The following PDZRN3 variants were observed in gnomAD, a reference collection of about 807,000 sequenced individuals.
PDZRN3 encodes the protein E3 ubiquitin-protein ligase PDZRN3.
Under a neutral mutation model 85.7 loss-of-function variants are expected in PDZRN3, and 38 were observed. That is an observed-to-expected ratio of 0.44 (90% CI 0.34 to 0.58). The LOEUF (loss-of-function observed/expected upper bound fraction) is 0.58, where lower values mean the gene tolerates loss of function less well. Among genes scored for constraint, PDZRN3 ranks in the 20% least tolerant of loss-of-function variants. The pLI is 0.01. For missense variants in PDZRN3, 1,629 were observed against 1,506.4 expected, an observed-to-expected ratio of 1.08 and a Z score of -1.35; for synonymous variants, 759 against 638.0, an observed-to-expected ratio of 1.19 and a Z score of -2.86.
chr3:73,538,944 A>C (rs998961163), intron 3 of PDZRN3, among the ~76,000 whole-genome samples: 2 of 152,168 alleles, frequency 1.3e-5, no homozygotes, highest in African/African-American at 4.8e-5. Flanking sequence ...ACAAGAGTAC[A>C]TTGATCAAAC....
chr3:73,506,910 C>A (rs200845307), intron 3 of PDZRN3, among the ~76,000 whole-genome samples: 42 of 136,782 alleles, frequency 3.1e-4, no homozygotes, highest in African/African-American at 8.6e-4. Context: ...AAAAAAAAAA[C>A]AAAAAAACAA....
intron 3 of PDZRN3, among the ~76,000 whole-genome samples, chr3:73,454,307 A>G (rs1702934967): frequency 6.6e-6 from 1 of 152,166 alleles, no homozygotes; most frequent in African/African-American, 2.4e-5. Flanking sequence ...AACTTGGAGT[A>G]GGGAGAGGAA....
At chr3:73,607,551 C>CT (rs1702620260) in intron 2 of PDZRN3, among the ~76,000 whole-genome samples, 1 of 152,186 alleles carries the variant, frequency 6.6e-6, no homozygotes, top group African/African-American at 2.4e-5. Flanking sequence ...AGGGCACACA[C>CT]TATTCCTATC....
Position 73,624,697 on chromosome 3 carries a change from C to A in PDZRN3, c.129G>T (p.Leu43=). The A allele has an allele frequency of 6.6e-7, 1 of 1,526,346 alleles. No homozygotes were observed. Among genetic ancestry groups the A allele is most frequent in the Non-Finnish European group, 8.7e-7 (1 of 1,143,046 alleles). The allele number at this position is 1,526,346 out of a possible 1,614,324, so 94.6% of individuals were successfully genotyped here. A position where few individuals can be genotyped will look rare whatever the true frequency, so the allele number is the denominator to read the frequency against. Residue 43 remains leucine (L), a synonymous_variant, in exon 1 of 10, where the codon CTG becomes CTT. Coordinates refer to ENST00000263666, the MANE Select transcript of PDZRN3 (RefSeq NM_015009.3). ...AGCTGCCCTCCTGCACCACCCAGGG[C>A]AGCACGCAGCCGGCGCAGAAGACGT... ...CGHVFCAGCV[L]PWVVQEGSCP...
chr3:73,473,433 C>G (rs1038101184), intron 3 of PDZRN3, among the ~76,000 whole-genome samples: 1 of 149,090 alleles, frequency 6.7e-6, no homozygotes, highest in Non-Finnish European at 1.5e-5. Flanking sequence ...ATTTGAAATT[C>G]AGAGGAATGG....
intron 3 of PDZRN3, among the ~76,000 whole-genome samples, chr3:73,551,652 G>T (rs1701557651): frequency 7.1e-6 from 1 of 141,408 alleles, no homozygotes; most frequent in Non-Finnish European, 1.5e-5. Flanking sequence ...TTGCACCACT[G>T]CACTCCAGCC....
Position 73,471,995 on chromosome 3 carries a change from C to A in PDZRN3, c.919-67600G>T, listed in dbSNP as rs964988911. Among the ~76,000 whole-genome samples, 14 of 152,204 alleles carry A rather than the reference C, an allele frequency of 9.2e-5. 1 individual carries two copies. Among genetic ancestry groups the A allele is most frequent in the African/African-American group, 2.9e-4 (12 of 41,434 alleles). ...TAGTGGGCTACGGGGAAAAGACCAA[C>A]AAAGCCTTTTCTCAAAATGTCTTAA... On this transcript the variant is annotated intron_variant, in intron 3 of 9. Transcript: ENST00000263666.
intron 3 of PDZRN3, among the ~76,000 whole-genome samples, chr3:73,486,000 C>T (rs1228137956): frequency 1.3e-5 from 2 of 152,198 alleles, no homozygotes; most frequent in African/African-American, 4.8e-5. Flanking sequence ...AAGCTATTAG[C>T]AATGCCCTTG....
chr3:73,593,636 T>C (rs921142061), intron 3 of PDZRN3, among the ~76,000 whole-genome samples: 1 of 151,958 alleles, frequency 6.6e-6, no homozygotes, highest in Non-Finnish European at 1.5e-5. Context: ...GGTGTCCACT[T>C]TGTGATATTT....
chr3:73,610,606 G>C (rs1294057695), intron 1 of PDZRN3, among the ~76,000 whole-genome samples: 2 of 152,204 alleles, frequency 1.3e-5, no homozygotes, highest in African/African-American at 4.8e-5. Context: ...TGAAAAGTTA[G>C]AAATACATGG....
intron 3 of PDZRN3, among the ~76,000 whole-genome samples, chr3:73,565,107 A>G (rs975037146): frequency 6.8e-6 from 1 of 147,888 alleles, no homozygotes; most frequent in African/African-American, 2.5e-5. Flanking sequence ...GGGAAATACT[A>G]TATCCACCAA....
At chr3:73,607,778 T>C (rs1465194760) in intron 2 of PDZRN3, among the ~76,000 whole-genome samples, 3 of 152,200 alleles carry the variant, frequency 2.0e-5, no homozygotes, top group Non-Finnish European at 4.4e-5. Context: ...CAGGACTCAA[T>C]GACCACAGGG....
chr3:73,616,372 T>G (rs1049288134), intron 1 of PDZRN3, among the ~76,000 whole-genome samples: 1 of 152,188 alleles, frequency 6.6e-6, no homozygotes, highest in Admixed American at 6.5e-5. Flanking sequence ...CTTGCTTACA[T>G]GAAGGTAGGA....
At chr3:73,418,830 T>A (rs942665385) in intron 3 of PDZRN3, among the ~76,000 whole-genome samples, 11 of 152,226 alleles carry the variant, frequency 7.2e-5, no homozygotes, top group African/African-American at 2.7e-4. Flanking sequence ...TTGCCTGCGT[T>A]CACCTGGAGA....
chr3:73,467,671 C>T (rs1371962856), intron 3 of PDZRN3, among the ~76,000 whole-genome samples: 1 of 152,200 alleles, frequency 6.6e-6, no homozygotes, highest in Non-Finnish European at 1.5e-5. Flanking sequence ...ATAAGAACCT[C>T]AGAGTGTCAC....
At chr3:73,489,838 C>T (rs1036002791) in intron 3 of PDZRN3, among the ~76,000 whole-genome samples, 1 of 152,156 alleles carries the variant, frequency 6.6e-6, no homozygotes, top group Admixed American at 6.5e-5. Context: ...TCCCAAAGTG[C>T]TGGGATTCCA....
chr3:73,505,059 T>C (rs79628099), intron 3 of PDZRN3, among the ~76,000 whole-genome samples: 5,971 of 152,276 alleles, frequency 0.039, 351 homozygotes, highest in African/African-American at 0.13. Context: ...TTTTTATTTA[T>C]AGCCAAATCC....
At chr3:73,498,835 A>G (rs1703919430) in intron 3 of PDZRN3, among the ~76,000 whole-genome samples, 1 of 152,124 alleles carries the variant, frequency 6.6e-6, no homozygotes, top group African/African-American at 2.4e-5. Flanking sequence ...CACCTGCCTC[A>G]GCCTCCCAAA....
intron 3 of PDZRN3, among the ~76,000 whole-genome samples, chr3:73,476,633 G>A (rs765335027): frequency 4.6e-5 from 7 of 152,172 alleles, no homozygotes; most frequent in South Asian, 2.1e-4. Flanking sequence ...AAAAGACACC[G>A]CATCTTCCAT....
Sources: gnomAD v4.1 joint callset for allele counts (sites outside exome capture counted in the v4.1 genomes callset) on GRCh38, gnomAD v4.1.1 for gene constraint, MANE v1.5 for transcripts, NCBI Gene and HGNC (gene_info 2026-07-23, HGNC 2026-07-21) for gene names.